Variants in CRADD observed in about 807,000 individuals in gnomAD.
CRADD encodes death domain-containing protein CRADD.
A neutral mutation model predicts 15.5 loss-of-function variants in CRADD; 9 were observed. The ratio of observed to expected loss-of-function variants is 0.58; its 90% confidence interval spans 0.35 to 1.01. The LOEUF (loss-of-function observed/expected upper bound fraction) is 1.01. Ranked by LOEUF, CRADD falls within the 50% of genes least tolerant of loss-of-function variation. The probability of loss-of-function intolerance (pLI) is 0.02; values close to 1 mark genes in which losing one functional copy is unlikely to be tolerated. For missense variants in CRADD, 227 were observed against 250.3 expected (o/e 0.91, Z 0.63); for synonymous variants, 118 against 107.6 (o/e 1.10, Z -0.60).
chr12:93,837,562 G>GAT, intron 2 of CRADD: 1 of 141,610 alleles, frequency 7.1e-6, no homozygotes, highest in East Asian at 2.7e-4. Context: ...GCCACCGGGC[G>GAT]GTTTCCATGT....
At chr12:93,805,507 C>T (rs1321859994) in intron 2 of CRADD, among the ~76,000 whole-genome samples, 1 of 151,592 alleles carries the variant, frequency 6.6e-6, no homozygotes, top group Non-Finnish European at 1.5e-5. Context: ...GAGCCTGTTT[C>T]CTCAACTGCC....
At chr12:93,695,527 T>C (rs1390156254) in intron 2 of CRADD, among the ~76,000 whole-genome samples, 1 of 152,158 alleles carries the variant, frequency 6.6e-6, no homozygotes, top group African/African-American at 2.4e-5. Context: ...AGAAATTATT[T>C]GCAAACCATA....
intron 2 of CRADD, among the ~76,000 whole-genome samples, chr12:93,751,828 A>C (rs774840509): frequency 6.6e-6 from 1 of 152,220 alleles, no homozygotes; most frequent in Non-Finnish European, 1.5e-5. Flanking sequence ...GTGCCACTGC[A>C]TTCCAGCCTG....
chr12:93,820,002 C>A (rs1232798906), intron 2 of CRADD, among the ~76,000 whole-genome samples: 1 of 152,198 alleles, frequency 6.6e-6, no homozygotes, highest in African/African-American at 2.4e-5. Flanking sequence ...TCTCTGCTTC[C>A]CATGTCTACC....
chr12:93,865,657 G>T (rs1958360796), intron 2 of CRADD, among the ~76,000 whole-genome samples: 1 of 152,114 alleles, frequency 6.6e-6, no homozygotes, highest in South Asian at 2.1e-4. Flanking sequence ...CCTCCCATCT[G>T]GGCCTCTGAA....
chr12:93,742,144 C>T (rs1451966307), intron 2 of CRADD, among the ~76,000 whole-genome samples: 1 of 152,118 alleles, frequency 6.6e-6, no homozygotes, highest in Non-Finnish European at 1.5e-5. Flanking sequence ...ATGAAGTTCC[C>T]GAGCAGCATC....
chr12:93,729,536 C>T (rs1243034441), intron 2 of CRADD, among the ~76,000 whole-genome samples: 1 of 152,070 alleles, frequency 6.6e-6, no homozygotes. Context: ...CCTGTAATTG[C>T]AGCACTTTGG....
chr12:93,770,235 A>G (rs921067159), intron 2 of CRADD, among the ~76,000 whole-genome samples: 14 of 151,170 alleles, frequency 9.3e-5, no homozygotes, highest in Non-Finnish European at 1.8e-4. Flanking sequence ...AGCTGGGACT[A>G]CAGGCGCCCG....
intron 2 of CRADD, among the ~76,000 whole-genome samples, chr12:93,890,848 C>T (rs1958571352): frequency 6.6e-6 from 1 of 151,634 alleles, no homozygotes; most frequent in Admixed American, 6.6e-5. Context: ...GCCTCCACCT[C>T]CTGTGATTCT....
At chr12:93,735,583 G>C (rs968380121) in intron 2 of CRADD, 5 of 152,136 alleles carry the variant, frequency 3.3e-5, no homozygotes, top group African/African-American at 1.2e-4. Flanking sequence ...CTGACTTCTT[G>C]TGTTCTTCAT....
At chr12:93,846,617 C>CACACACACACACACAT in intron 2 of CRADD, 1 of 151,734 alleles carries the variant, frequency 6.6e-6, no homozygotes, top group South Asian at 2.1e-4. Context: ...CACACACACA[C>CACACACACACACACAT]ACACACACGA....
intron 2 of CRADD, among the ~76,000 whole-genome samples, chr12:93,892,852 T>C (rs1378308691): frequency 6.6e-6 from 1 of 152,176 alleles, no homozygotes; most frequent in Admixed American, 6.5e-5. Flanking sequence ...GATCAAGGTT[T>C]TTCCTAGAAA....
At chr12:93,761,920 C>T (rs898505156) in intron 2 of CRADD, among the ~76,000 whole-genome samples, 5 of 152,150 alleles carry the variant, frequency 3.3e-5, no homozygotes, top group African/African-American at 4.8e-5. Context: ...AGGATGAATA[C>T]GGCAGATTCA....
intron 2 of CRADD, among the ~76,000 whole-genome samples, chr12:93,776,595 C>T (rs999968755): frequency 2.6e-5 from 4 of 152,086 alleles, no homozygotes; most frequent in African/African-American, 9.7e-5. Flanking sequence ...GAAACAGAAA[C>T]ACAGGTTCAC....
intron 2 of CRADD, among the ~76,000 whole-genome samples, chr12:93,731,666 G>A (rs1308902883): frequency 6.6e-6 from 1 of 152,148 alleles, no homozygotes; most frequent in African/African-American, 2.4e-5. Context: ...TAAAAAGTTG[G>A]CTTAACAAAT....
intron 2 of CRADD, among the ~76,000 whole-genome samples, chr12:93,724,157 A>C (rs529364395): frequency 1.3e-5 from 2 of 152,176 alleles, no homozygotes; most frequent in African/African-American, 4.8e-5. Context: ...AGGTGGGTAG[A>C]TTATTTGAGC....
intron 2 of CRADD, among the ~76,000 whole-genome samples, chr12:93,758,517 A>G (rs575291845): frequency 2.0e-5 from 3 of 152,056 alleles, no homozygotes; most frequent in Non-Finnish European, 2.9e-5. Context: ...ATATTAATGT[A>G]ACCATGACTT....
intron 2 of CRADD, among the ~76,000 whole-genome samples, chr12:93,789,770 G>A (rs930762019): frequency 6.6e-6 from 1 of 152,010 alleles, no homozygotes; most frequent in Admixed American, 6.6e-5. Context: ...CCTCAATAAA[G>A]TAGTTAAAAA....
At chr12:93,841,863 A>G (rs1263852262) in intron 2 of CRADD, among the ~76,000 whole-genome samples, 1 of 152,116 alleles carries the variant, frequency 6.6e-6, no homozygotes, top group Non-Finnish European at 1.5e-5. Context: ...CCTGCAGCAT[A>G]TGACACTTAC....
Sources: allele counts gnomAD v4.1 joint callset (sites outside exome capture counted in the v4.1 genomes callset), GRCh38; gene constraint gnomAD v4.1.1; transcripts MANE v1.5; gene names NCBI Gene and HGNC (gene_info 2026-07-23, HGNC 2026-07-21).